Variants in ZPBP observed in about 807,000 individuals in gnomAD.
ZPBP encodes zona pellucida binding protein.
In ZPBP, 26 loss-of-function variants were observed where a neutral mutation model predicts 44.8. The ratio of observed to expected loss-of-function variants is 0.58; its 90% CI spans 0.43 to 0.81. The LOEUF (loss-of-function observed/expected upper bound fraction) is 0.81, where lower values mean the gene tolerates loss of function less well. Ranked by LOEUF, ZPBP falls within the 30% of genes least tolerant of loss-of-function variation. The probability of loss-of-function intolerance (pLI) is 0.00; values close to 1 mark genes in which losing one functional copy is unlikely to be tolerated. For missense variants in ZPBP, 409 were observed against 434.0 expected (o/e 0.94, Z 0.51); for synonymous variants, 174 against 153.2 (o/e 1.14, Z -1.00).
intron 3 of ZPBP, among the ~76,000 whole-genome samples, chr7:50,059,880 A>G (rs1049627934): frequency 3.9e-5 from 6 of 152,166 alleles, no homozygotes; most frequent in African/African-American, 1.4e-4. Flanking sequence ...AAGGGGGCTC[A>G]GAGCCAAGAT....
rs1801266858 is a variant in ZPBP, at chr7:50,062,043, G to C, written c.335-3902C>G. Among the ~76,000 whole-genome samples, 3 of 152,126 alleles carry C rather than the reference G, an allele frequency of 2.0e-5. No homozygotes were observed. In the South Asian group the frequency reaches 6.2e-4, roughly 32 times the overall value. ...TATTCACCAATAATATCCAAACTGA[G>C]AGCCAAATCAAGAACACAATCCCAT... On this transcript the variant is annotated intron_variant, in intron 3 of 7. Transcript: ENST00000046087.
At chr7:49,938,536 A>G (rs1459519356) in intron 7 of ZPBP, among the ~76,000 whole-genome samples, 1 of 152,210 alleles carries the variant, frequency 6.6e-6, no homozygotes, top group Non-Finnish European at 1.5e-5. Flanking sequence ...AACCAATTTC[A>G]TAACATTAAT....
chr7:49,885,046 T>C (rs1791837751), intron 2 of ZPBP, among the ~76,000 whole-genome samples: 2 of 152,280 alleles, frequency 1.3e-5, no homozygotes, highest in Admixed American at 6.5e-5. Context: ...GAATTCCTTG[T>C]ACTATTGCAA....
intron 7 of ZPBP, among the ~76,000 whole-genome samples, chr7:49,972,447 G>A (rs138687374): frequency 6.6e-6 from 1 of 152,010 alleles, no homozygotes; most frequent in African/African-American, 2.4e-5. Context: ...CATTAGCAAT[G>A]AATAATCCAA....
At chr7:50,030,533 C>T (rs1469680357) in intron 5 of ZPBP, among the ~76,000 whole-genome samples, 4 of 151,464 alleles carry the variant, frequency 2.6e-5, no homozygotes, top group Admixed American at 2.0e-4. Flanking sequence ...AGAAAGGAAA[C>T]TAGCAAGCAA....
intron 4 of ZPBP, among the ~76,000 whole-genome samples, chr7:50,046,429 A>C (rs1190120226): frequency 6.6e-6 from 1 of 151,132 alleles, no homozygotes; most frequent in Non-Finnish European, 1.5e-5. Flanking sequence ...AGAATCTACA[A>C]GGAACTTAAA....
At position 50,093,113 on chromosome 7, in the gene ZPBP, TGGCGGCCCGAGAGAGCAGGGAGCC is replaced by T. The variant is rs772657162; in HGVS notation, c.58_81del (p.Gly20_Ala27del). 3.8e-6 allele frequency: 6 copies of T among 1,589,674 alleles called. No individual in the cohort carries two copies. Among genetic ancestry groups the T allele is most frequent in the Middle Eastern group, 1.7e-4 (1 of 5,732 alleles). ...AGGAAGGCGGAGATAAAGAGGAGGA[TGGCGGCCCGAGAGAGCAGGGAGCC>T]GGCGGCCCGGGTCCGCCGCCTGCCC... is the stretch of plus-strand genomic sequence containing the variant. On this transcript the variant is annotated inframe_deletion, in exon 1 of 8. Transcript: ENST00000046087.
At chr7:50,018,977 GA>G (rs1235289283) in intron 5 of ZPBP, among the ~76,000 whole-genome samples, 38 of 151,982 alleles carry the variant, frequency 2.5e-4, no homozygotes, top group Non-Finnish European at 1.0e-4. Context: ...GATCATCTGA[GA>G]AATGTTCCTA....
intron 2 of ZPBP, among the ~76,000 whole-genome samples, chr7:49,863,075 C>T (rs1764643755): frequency 6.6e-6 from 1 of 152,142 alleles, no homozygotes; most frequent in South Asian, 2.1e-4. Context: ...AATAATTCAC[C>T]AGTGAAACCA....
At chr7:49,885,918 T>C (rs1791884637) in intron 2 of ZPBP, among the ~76,000 whole-genome samples, 1 of 152,198 alleles carries the variant, frequency 6.6e-6, no homozygotes, top group Admixed American at 6.5e-5. Context: ...AAGACCTCCG[T>C]GATTCTGGGG....
intron 7 of ZPBP, among the ~76,000 whole-genome samples, chr7:49,979,339 T>TC (rs1796672849): frequency 6.6e-6 from 1 of 152,076 alleles, no homozygotes; most frequent in South Asian, 2.1e-4. Context: ...TGGATGCATC[T>TC]CCTAAGTATA....
chr7:49,898,747 A>G (rs1792535332), intron 2 of ZPBP, among the ~76,000 whole-genome samples: 1 of 152,116 alleles, frequency 6.6e-6, no homozygotes, highest in Non-Finnish European at 1.5e-5. Context: ...AGATACTCTC[A>G]TTACCCACAA....
intron 4 of ZPBP, among the ~76,000 whole-genome samples, chr7:50,048,513 T>C (rs1800505417): frequency 6.6e-6 from 1 of 151,914 alleles, no homozygotes; most frequent in African/African-American, 2.4e-5. Flanking sequence ...TCTGATAAAG[T>C]AAAATTAAAA....
chr7:50,072,815 T>C (rs1183609126), intron 3 of ZPBP, among the ~76,000 whole-genome samples: 1 of 152,180 alleles, frequency 6.6e-6, no homozygotes, highest in Non-Finnish European at 1.5e-5. Flanking sequence ...ATTTACATCA[T>C]AACATCCAAG....
intron 3 of ZPBP, among the ~76,000 whole-genome samples, chr7:50,066,837 T>C (rs1801527868): frequency 6.6e-6 from 1 of 152,204 alleles, no homozygotes; most frequent in Non-Finnish European, 1.5e-5. Context: ...GCAGGGCAGT[T>C]GTCCTTACCA....
At chr7:50,020,722 C>A (rs1799056732) in intron 5 of ZPBP, among the ~76,000 whole-genome samples, 1 of 151,912 alleles carries the variant, frequency 6.6e-6, no homozygotes, top group African/African-American at 2.4e-5. Flanking sequence ...TGCTGGCCAC[C>A]TTTTTCCATA....
chr7:49,914,327 T>A (rs1793609269), intron 1 of ZPBP: 1 of 152,216 alleles, frequency 6.6e-6, no homozygotes, highest in South Asian at 2.1e-4. Context: ...GCTGTGAGAA[T>A]TTCAGAAAAC....
chr7:50,087,928 C>T (rs1245797689), intron 2 of ZPBP, among the ~76,000 whole-genome samples: 1 of 151,940 alleles, frequency 6.6e-6, no homozygotes, highest in Non-Finnish European at 1.5e-5. Context: ...AATTGACAAG[C>T]TGATTCTAGA....
intron 6 of ZPBP, among the ~76,000 whole-genome samples, chr7:50,007,023 A>T (rs980703467): frequency 6.6e-6 from 1 of 151,820 alleles, no homozygotes; most frequent in East Asian, 1.9e-4. Context: ...CATGAATGGG[A>T]TTAGTGCCCT....
Sources: gnomAD v4.1 joint callset for allele counts (sites outside exome capture counted in the v4.1 genomes callset) on GRCh38, gnomAD v4.1.1 for gene constraint, MANE v1.5 for transcripts, NCBI Gene and HGNC (gene_info 2026-07-23, HGNC 2026-07-21) for gene names.